DOCK7: variants seen among roughly 807,000 people sequenced by gnomAD.
The protein encoded by DOCK7 is dedicator of cytokinesis 7, also known as dedicator of cytokinesis protein 7.
A neutral mutation model predicts 271.0 loss-of-function variants in DOCK7; 138 were observed. That is an observed-to-expected ratio of 0.51 (90% CI 0.44 to 0.59). The LOEUF is 0.59. Ranked by LOEUF, DOCK7 falls within the 20% of genes least tolerant of loss-of-function variation. The pLI is 0.00. For missense variants in DOCK7, 2,066 were observed against 2,592.4 expected, an observed-to-expected ratio of 0.80 and a Z score of 4.41; for synonymous variants, 823 against 876.1, an observed-to-expected ratio of 0.94 and a Z score of 1.07.
intron 14 of DOCK7, among the ~76,000 whole-genome samples, chr1:62,618,185 T>C (rs1445114991): frequency 6.6e-6 from 1 of 152,142 alleles, no homozygotes; most frequent in Non-Finnish European, 1.5e-5. Context: ...TGAAAAGTTA[T>C]ATCTGACAAC....
Position 62,648,494 on chromosome 1 carries a change from T to G in DOCK7, c.440A>C (p.Lys147Thr). The G allele has an allele frequency of 6.6e-7, 1 of 1,508,284 alleles. No individual in the cohort carries two copies. Among genetic ancestry groups the G allele is most frequent in the Non-Finnish European group, 8.9e-7 (1 of 1,118,364 alleles). The allele number at this position is 1,508,284 out of a possible 1,614,324, so 93.4% of individuals were successfully genotyped here. ...TTTTGGCAAACCTTTTTGCCTTTCTTTCTGTTTATCTAATGTATTGGGATT... is the reference window on the plus strand; with the variant it reads ...TTTTGGCAAACCTTTTTGCCTTTCTGTCTGTTTATCTAATGTATTGGGATT... Reference protein sequence around the residue: ...GFNPNTLDKQKERQKGLPKQV... With the variant: ...GFNPNTLDKQTERQKGLPKQV... Residue 147 changes from lysine to threonine, a missense_variant, in exon 5 of 50, where the codon AAA (lysine) becomes ACA (threonine). By Grantham distance (78) the Lys-to-Thr change is moderately conservative. Around this residue, in one of 2 missense-constraint regions of DOCK7, gnomAD observed 1,414 missense variants for 1,670.4 expected, o/e 0.85. Coordinates refer to ENST00000635253, the MANE Select transcript of DOCK7 (RefSeq NM_001367561.1).
At chr1:62,604,359 A>C (rs1650630716) in intron 14 of DOCK7, 1 of 1,201,540 alleles carries the variant, frequency 8.3e-7, no homozygotes, top group Non-Finnish European at 1.2e-6. Flanking sequence ...TTCTCTCTAG[A>C]CGAAAACCTC....
At chr1:62,506,530 G>A (rs1646941603) in intron 35 of DOCK7, among the ~76,000 whole-genome samples, 1 of 151,766 alleles carries the variant, frequency 6.6e-6, no homozygotes, top group Non-Finnish European at 1.5e-5. Context: ...AAGTGCAGTG[G>A]CTTGATCTTG....
At chr1:62,569,361 C>T (rs1329655706) in intron 18 of DOCK7, among the ~76,000 whole-genome samples, 1 of 152,126 alleles carries the variant, frequency 6.6e-6, no homozygotes. Flanking sequence ...CAAACCAAAT[C>T]TGGCAGCACA....
At chr1:62,492,566 G>C in intron 41 of DOCK7, 138 bp downstream of exon 41, 7 of 1,027,830 alleles carry the variant, frequency 6.8e-6, no homozygotes, top group Non-Finnish European at 1.0e-5. Flanking sequence ...GAGATTACAG[G>C]CATGAGCCAC....
intron 31 of DOCK7, 104 bp downstream of exon 31, chr1:62,528,047 C>T: frequency 8.6e-7 from 1 of 1,163,830 alleles, no homozygotes; most frequent in Non-Finnish European, 1.2e-6. Context: ...TAAAACTGAG[C>T]ACTTTTGCAT....
At position 62,589,969 on chromosome 1, in the gene DOCK7, G is replaced by A. The variant is rs180784575; in HGVS notation, c.1683-3345C>T. 4.0e-3 allele frequency among the ~76,000 whole-genome samples: 603 copies of A among 151,474 alleles called. 5 individuals carry two copies. Among genetic ancestry groups the A allele is most frequent in the Non-Finnish European group, 5.5e-3 (375 of 67,910 alleles). ...ATCTTAAGAAATCCCAAGATTCTAC[G>A]TTCAGACAGAGACAGACAAGTCTGC... On this transcript the variant is annotated intron_variant, in intron 14 of 49. Transcript: ENST00000635253.
intron 1 of DOCK7, among the ~76,000 whole-genome samples, chr1:62,687,940 G>C (rs1453330734): frequency 3.3e-5 from 5 of 152,192 alleles, no homozygotes; most frequent in Non-Finnish European, 5.9e-5. Flanking sequence ...GTCCAGGCCC[G>C]GGCCGCCGAG....
intron 48 of DOCK7, among the ~76,000 whole-genome samples, chr1:62,470,687 A>G (rs1419007378): frequency 6.6e-6 from 1 of 152,044 alleles, no homozygotes; most frequent in East Asian, 1.9e-4. Flanking sequence ...CCAGCTACTC[A>G]GGAGGCAGAG....
intron 13 of DOCK7, 69 bp downstream of exon 13, chr1:62,619,831 A>T: frequency 2.1e-6 from 2 of 973,182 alleles, no homozygotes; most frequent in Non-Finnish European, 3.1e-6. Context: ...AAGATACATA[A>T]TTATAAGCAA....
chr1:62,461,539 C>A (rs1645526504), intron 48 of DOCK7, among the ~76,000 whole-genome samples: 1 of 151,396 alleles, frequency 6.6e-6, no homozygotes. Flanking sequence ...TAGTGGTGAA[C>A]ACCTGTGGTC....
chr1:62,539,285 G>GGATTA (rs1331867077), intron 27 of DOCK7, among the ~76,000 whole-genome samples: 2 of 152,108 alleles, frequency 1.3e-5, no homozygotes, highest in Non-Finnish European at 2.9e-5. Flanking sequence ...TCCAGAATGA[G>GGATTA]GATTAAAGAG....
intron 42 of DOCK7, chr1:62,488,656 G>GA: frequency 2.6e-6 from 1 of 380,534 alleles, no homozygotes; most frequent in South Asian, 2.5e-5. Context: ...TTGTGAAACA[G>GA]AAAATCACAA....
chr1:62,488,550 A>T, intron 42 of DOCK7: 1 of 187,004 alleles, frequency 5.3e-6, no homozygotes, highest in South Asian at 1.0e-4. Flanking sequence ...AAAGTTTCAC[A>T]TCATTTAATT....
rs188542102 is a variant in DOCK7, at chr1:62,580,693, T to C, written c.1872-1727A>G. ...GATGAAGATTAAAAAAAAACTTCCC[T>C]CAAAAACTAGGCAACAGCAGGAATA... On this transcript the variant is annotated intron_variant, in intron 16 of 49. Transcript: ENST00000635253. Among the ~76,000 whole-genome samples, 542 of 152,180 alleles carry C rather than the reference T, an allele frequency of 3.6e-3. 5 individuals are homozygous for C. Among genetic ancestry groups the C allele is most frequent in the Non-Finnish European group, 5.4e-3 (367 of 67,970 alleles).
rs1273405313 is a variant in DOCK7 at position 62,503,903 on chromosome 1, T to C, written c.4764+727A>G. ...TCTACTAAAAGTACAAAAAATTAGC[T>C]GGGCGTGGTGGCGGGCACCTGTAAT... On this transcript the variant is annotated intron_variant, in intron 37 of 49. Transcript: ENST00000635253. 2.6e-5 allele frequency among the ~76,000 whole-genome samples: 4 copies of C among 151,978 alleles called. No individual in the cohort carries two copies. In the East Asian group the frequency reaches 7.8e-4, roughly 30 times the overall value.
chr1:62,604,256 T>C (rs375057681), intron 14 of DOCK7: 54 of 1,611,110 alleles, frequency 3.4e-5, no homozygotes, highest in Admixed American at 8.3e-5. Context: ...CTGATACCAA[T>C]ACTTTATTTT....
intron 18 of DOCK7, among the ~76,000 whole-genome samples, chr1:62,575,808 G>A (rs551944786): frequency 8.5e-5 from 13 of 152,148 alleles, no homozygotes; most frequent in African/African-American, 3.1e-4. Context: ...ATACAGTATG[G>A]TAGCTAGAAG....
chr1:62,629,631 C>T (rs1415981530), intron 11 of DOCK7: 1 of 152,116 alleles, frequency 6.6e-6, no homozygotes, highest in African/African-American at 2.4e-5. Flanking sequence ...AAAAGTGTTC[C>T]AAGATGGATA....
Sources: gnomAD v4.1 joint callset for allele counts (sites outside exome capture counted in the v4.1 genomes callset) on GRCh38, gnomAD v4.1.1 for gene constraint, gnomAD v4.1.1 regional missense constraint, MANE v1.5 for transcripts, NCBI Gene and HGNC (gene_info 2026-07-23, HGNC 2026-07-21) for gene names.